Variants in ERICH1 observed in about 807,000 individuals in gnomAD.
ERICH1 encodes the protein glutamate rich 1.
Under a neutral mutation model 39.6 loss-of-function variants are expected in ERICH1, and 56 were observed. The ratio of observed to expected loss-of-function variants is 1.41; its 90% CI spans 1.14 to 1.77. The LOEUF is 1.77. ERICH1 is among the 40% of genes most tolerant of loss of function. The pLI is 0.00. For synonymous variants in ERICH1, 313 were observed against 223.6 expected (o/e 1.40, Z -3.57); for missense variants, 826 against 575.4 (o/e 1.44, Z -4.45).
chr8:684,104 T>G (rs1418084374), intron 3 of ERICH1, among the ~76,000 whole-genome samples: 2 of 152,226 alleles, frequency 1.3e-5, no homozygotes, highest in Non-Finnish European at 2.9e-5. Context: ...ACAATTCACA[T>G]TTAGTCATTT....
chr8:692,742 C>T (rs1408376528), intron 2 of ERICH1, 130 bp from the exon 3 acceptor site: 1 of 1,099,680 alleles, frequency 9.1e-7, no homozygotes, highest in South Asian at 1.8e-5. Flanking sequence ...TCAATAAAAC[C>T]TAACCACTGT....
chr8:668,313 T>G, intron 5 of ERICH1: 1 of 461,268 alleles, frequency 2.2e-6, no homozygotes, highest in Non-Finnish European at 3.9e-6. Flanking sequence ...AAGAAATGAA[T>G]TCATTTCTAT....
intron 3 of ERICH1, among the ~76,000 whole-genome samples, chr8:655,086 C>T (rs977464218): frequency 1.3e-5 from 2 of 152,182 alleles, no homozygotes; most frequent in East Asian, 1.9e-4. Context: ...AAACCAACCC[C>T]GAGTGGTCTC....
At chr8:700,063 G>T (rs545120726) in intron 2 of ERICH1, among the ~76,000 whole-genome samples, 660 of 55,966 alleles carry the variant, frequency 0.012, 9 homozygotes, top group African/African-American at 0.05. Context: ...ACGCGCACAG[G>T]CCCTCACAGG....
At chr8:628,383 G>C (rs1199097936) in intron 3 of ERICH1, among the ~76,000 whole-genome samples, 1 of 152,222 alleles carries the variant, frequency 6.6e-6, no homozygotes, top group African/African-American at 2.4e-5. Context: ...TTGGCCTCTT[G>C]AGAGTGACGA....
chr8:653,550 G>A (rs1800243368), intron 3 of ERICH1, among the ~76,000 whole-genome samples: 2 of 152,154 alleles, frequency 1.3e-5, no homozygotes, highest in African/African-American at 2.4e-5. Context: ...TTCTGACCAC[G>A]AGGAATCCCT....
At chr8:694,284 A>G (rs534263819) in intron 2 of ERICH1, among the ~76,000 whole-genome samples, 1 of 152,362 alleles carries the variant, frequency 6.6e-6, no homozygotes, top group South Asian at 2.1e-4. Context: ...TCCCTGCCGG[A>G]GCCAAGGGCA....
intron 3 of ERICH1, among the ~76,000 whole-genome samples, chr8:636,545 G>C (rs1006534721): frequency 6.6e-6 from 1 of 152,228 alleles, no homozygotes; most frequent in African/African-American, 2.4e-5. Flanking sequence ...CCTCACGGAC[G>C]GAGGCCTGTG....
chr8:698,771 T>A (rs1810966738), intron 2 of ERICH1, among the ~76,000 whole-genome samples: 1 of 152,130 alleles, frequency 6.6e-6, no homozygotes, highest in African/African-American at 2.4e-5. Context: ...AGTCACTGTG[T>A]TTGGCCTGAA....
chr8:656,744 AG>A, intron 3 of ERICH1: 1 of 985,274 alleles, frequency 1.0e-6, no homozygotes, highest in Non-Finnish European at 1.2e-6. Context: ...CATTTCTACA[AG>A]GGGCCTCAGC....
intron 3 of ERICH1, among the ~76,000 whole-genome samples, chr8:617,514 G>C (rs756278434): frequency 6.6e-6 from 1 of 152,160 alleles, no homozygotes; most frequent in African/African-American, 2.4e-5. Flanking sequence ...TGAGGGCTTG[G>C]TGCTTGGTCC....
chr8:715,817 A>T (rs1264597778), intron 2 of ERICH1, 44 bp downstream of exon 2: 1 of 1,579,086 alleles, frequency 6.3e-7, no homozygotes, highest in Admixed American at 1.8e-5. Context: ...GACGGAGGTT[A>T]ACTTCAGTTT....
intron 3 of ERICH1, among the ~76,000 whole-genome samples, chr8:629,424 G>A (rs559604327): frequency 9.6e-4 from 138 of 143,098 alleles, no homozygotes; most frequent in African/African-American, 3.3e-3. Context: ...ACACCCTCCT[G>A]TGAGCACCCA....
intron 5 of ERICH1, 88 bp downstream of exon 5, chr8:668,510 G>T: frequency 7.2e-7 from 1 of 1,384,014 alleles, no homozygotes; most frequent in Non-Finnish European, 1.0e-6. Flanking sequence ...CCAACTCATT[G>T]CTGTTTTGGT....
At chr8:663,042 G>A (rs1191233257), downstream of ERICH1, among the ~76,000 whole-genome samples, 2 of 152,262 alleles carry the variant, frequency 1.3e-5, no homozygotes, top group East Asian at 3.8e-4. Flanking sequence ...GGCGTCCGCT[G>A]CCACATGCCT....
At chr8:713,461 C>T (rs548071732) in intron 2 of ERICH1, among the ~76,000 whole-genome samples, 26 of 152,234 alleles carry the variant, frequency 1.7e-4, no homozygotes, top group African/African-American at 2.2e-4. Context: ...ATGGAATACA[C>T]GGATTTGTCC....
intron 2 of ERICH1, among the ~76,000 whole-genome samples, chr8:708,846 T>C (rs149948920): frequency 6.6e-6 from 1 of 151,742 alleles, no homozygotes; most frequent in African/African-American, 2.4e-5. Flanking sequence ...GTGTACATCA[T>C]CATACCTGGC....
At chr8:614,790 G>A (rs145194054) in exon 4 of ERICH1, 139 of 162,182 alleles carry the variant, frequency 8.6e-4, no homozygotes, top group Non-Finnish European at 1.3e-3. Flanking sequence ...GTTGATGCCC[G>A]GCTCTGTGCC....
At chr8:618,184 C>G (rs139398333) in intron 3 of ERICH1, among the ~76,000 whole-genome samples, 1 of 151,474 alleles carries the variant, frequency 6.6e-6, no homozygotes, top group Non-Finnish European at 1.5e-5. Flanking sequence ...TCCATCTGTT[C>G]TCACTGCCCT....
Sources: allele counts gnomAD v4.1 joint callset (sites outside exome capture counted in the v4.1 genomes callset), GRCh38; gene constraint gnomAD v4.1.1; transcripts MANE v1.5; gene names NCBI Gene and HGNC (gene_info 2026-07-23, HGNC 2026-07-21).